The following RNASEH1 variants were observed in gnomAD, a reference collection of about 807,000 sequenced individuals.
RNASEH1 encodes the protein ribonuclease H type II.
Under a neutral mutation model 34.6 loss-of-function variants are expected in RNASEH1, and 27 were observed. That is an observed-to-expected ratio of 0.78 (90% confidence interval 0.58 to 1.08). The LOEUF is 1.08. Among genes scored for constraint, RNASEH1 ranks in the 50% least tolerant of loss-of-function variants. The pLI, the probability that RNASEH1 is intolerant of heterozygous loss-of-function variation, is 0.00. For missense variants in RNASEH1, 349 were observed against 373.6 expected (o/e 0.93, Z 0.54); for synonymous variants, 162 against 138.4 (o/e 1.17, Z -1.20).
chr2:3,539,016 T>C (rs1036753688), downstream of RNASEH1, among the ~76,000 whole-genome samples: 15 of 152,234 alleles, frequency 9.9e-5, no homozygotes, highest in African/African-American at 2.9e-4. Flanking sequence ...TGTAAACAAT[T>C]TGGCCAATCC....
At chr2:3,553,411 A>T (rs1382727983) in intron 2 of RNASEH1, among the ~76,000 whole-genome samples, 2 of 148,780 alleles carry the variant, frequency 1.3e-5, no homozygotes, top group Non-Finnish European at 3.0e-5. Context: ...TTTTTTTTTG[A>T]GACAGAGTCT....
At chr2:3,550,837 C>G (rs893197136) in intron 3 of RNASEH1, among the ~76,000 whole-genome samples, 2 of 152,196 alleles carry the variant, frequency 1.3e-5, no homozygotes, top group African/African-American at 4.8e-5. Context: ...CCTCCAGAGA[C>G]GAGCAGCGCC....
At position 3,549,213 on chromosome 2, in the gene RNASEH1, A is replaced by C. The variant is rs141460053; in HGVS notation, c.510-101T>G. 2,297 of 941,384 alleles carry C rather than the reference A, an allele frequency of 2.4e-3. 33 individuals are homozygous for C. In the African/African-American group the frequency reaches 0.03, roughly 12 times the overall value. 58.3% of individuals were successfully genotyped at this position (941,384 alleles called of 1,614,324 possible). On this transcript the variant is annotated intron_variant, in intron 4 of 7. Transcript: ENST00000315212. The stretch of plus-strand genomic sequence containing the variant: ...TAAACTAGTGTGTATTCTTATTTGA[A>C]ATATAAAAGCATCATATAAAAATCA...
chr2:3,538,572 C>A (rs1486668484), downstream of RNASEH1, among the ~76,000 whole-genome samples: 1 of 152,112 alleles, frequency 6.6e-6, no homozygotes, highest in African/African-American at 2.4e-5. Flanking sequence ...CCTTTTTCCA[C>A]TTAACAGTGC....
Position 3,544,631 on chromosome 2 carries a change from T to C in RNASEH1, c.*1154A>G, listed in dbSNP as rs1004948022. On this transcript the variant is annotated 3_prime_UTR_variant, in exon 8 of 8. Coordinates refer to ENST00000315212, the MANE Select transcript of RNASEH1 (RefSeq NM_002936.6). Reference sequence around the variant, plus strand: ...CCTGGGGTATCTGGCAAAGTACTATTTCTTCACCAGGTGGTGGACACAAAG... The same window carrying C: ...CCTGGGGTATCTGGCAAAGTACTATCTCTTCACCAGGTGGTGGACACAAAG... 6.6e-6 allele frequency among the ~76,000 whole-genome samples: 1 copy of C among 152,152 alleles called. No homozygotes were observed. Among genetic ancestry groups the C allele is most frequent in the African/African-American group, 2.4e-5 (1 of 41,422 alleles).
chr2:3,546,505 A>T (rs941639269), intron 7 of RNASEH1, among the ~76,000 whole-genome samples: 4 of 152,234 alleles, frequency 2.6e-5, no homozygotes, highest in African/African-American at 9.6e-5. Flanking sequence ...AACAAAATAC[A>T]CTGATAGTTT....
rs753159451 is a variant in RNASEH1, at chr2:3,548,034, C to T, written c.671G>A (p.Gly224Asp). 5 of 1,613,984 alleles carry T rather than the reference C, an allele frequency of 3.1e-6. No individual in the cohort carries two copies. The highest frequency in any genetic ancestry group is 3.3e-5 in the Admixed American group (2 of 60,012). Residue 224 changes from glycine (G) to aspartate (D), a missense_variant, in exon 7 of 8, where the codon GGT (glycine) becomes GAT (aspartate). Physicochemically the swap from Gly to Asp is moderately conservative, Grantham distance 94. Coordinates refer to ENST00000315212, the MANE Select transcript of RNASEH1 (RefSeq NM_002936.6). ...TGTCTTCCACCCATTTTTCTTCCAA[C>T]CTTGAACCCAGTTAGTTATACCTAC... ...TINGITNWVQGWKKNGWKTSA... is the reference protein window; with the variant it reads ...TINGITNWVQDWKKNGWKTSA...
At chr2:3,550,755 T>G (rs1659787127) in intron 3 of RNASEH1, among the ~76,000 whole-genome samples, 2 of 152,180 alleles carry the variant, frequency 1.3e-5, no homozygotes, top group African/African-American at 2.4e-5. Context: ...ACTGTTCACA[T>G]CCCACACTGT....
chr2:3,549,022 CAA>C (rs1426187495), intron 5 of RNASEH1, 34 bp downstream of exon 5: 2 of 1,546,622 alleles, frequency 1.3e-6, no homozygotes, highest in East Asian at 2.2e-5. Flanking sequence ...ACTCAATGCT[CAA>C]AAAAGAGAGG....
chr2:3,540,395 G>A (rs1457674967), downstream of RNASEH1, among the ~76,000 whole-genome samples: 1 of 151,922 alleles, frequency 6.6e-6, no homozygotes, highest in East Asian at 1.9e-4. Context: ...TGCACTTTCT[G>A]CTGTACTGAC....
chr2:3,539,162 C>T (rs73910584), downstream of RNASEH1, among the ~76,000 whole-genome samples: 4,934 of 152,036 alleles, frequency 0.032, 278 homozygotes, highest in African/African-American at 0.11. Flanking sequence ...TTTATTTATA[C>T]GTAGTCTTCT....
At position 3,552,264 on chromosome 2, in the gene RNASEH1, T is replaced by A; in HGVS notation, c.289A>T (p.Lys97Ter). 6.2e-7 allele frequency: 1 copy of A among 1,614,122 alleles called. No homozygotes were observed. The highest frequency in any genetic ancestry group is 8.5e-7 in the Non-Finnish European group (1 of 1,179,990). Residue 97 changes from lysine to a stop codon, truncating the protein, a stop_gained, in exon 3 of 8, where the codon AAG becomes TAG. Coordinates refer to ENST00000315212, the MANE Select transcript of RNASEH1 (RefSeq NM_002936.6). LOFTEE classifies it high-confidence loss of function. ...HGQESEAKAS[K>*]RLREPLDGDG... Reference sequence around the variant, plus strand: ...CCATCCAGTGGCTCACGGAGTCGCTTGCTGGCTTTCGCCTCCGATTCTTGT... The same window carrying A: ...CCATCCAGTGGCTCACGGAGTCGCTAGCTGGCTTTCGCCTCCGATTCTTGT...
intron 2 of RNASEH1, among the ~76,000 whole-genome samples, chr2:3,554,398 T>C (rs1179525494): frequency 1.3e-5 from 2 of 152,222 alleles, no homozygotes; most frequent in African/African-American, 2.4e-5. Context: ...GTCAGTTAAG[T>C]TTTACTTCAC....
chr2:3,553,963 T>C lies in RNASEH1; in HGVS notation c.245-1655A>G, dbSNP rs532887699. Among the ~76,000 whole-genome samples the C allele has an allele frequency of 5.5e-4, 84 of 152,290 alleles. No homozygotes were observed. The South Asian group carries it at 0.016, about 29-fold the overall frequency. On this transcript the variant is annotated intron_variant, in intron 2 of 7. Coordinates refer to ENST00000315212, the MANE Select transcript of RNASEH1 (RefSeq NM_002936.6). ...AAGGACACAGGAGCAACCAACTACC[T>C]GCAAACTAACAACCCTAACCCAACA...
intron 6 of RNASEH1, 151 bp downstream of exon 6, chr2:3,548,489 G>C: frequency 1.7e-6 from 1 of 600,870 alleles, no homozygotes; most frequent in Non-Finnish European, 3.0e-6. Context: ...CAGCAGAAGG[G>C]AGACTCCAAA....
chr2:3,535,909 CA>C, the RNASEH1 span, among the ~76,000 whole-genome samples: 1 of 152,152 alleles, frequency 6.6e-6, no homozygotes, highest in Non-Finnish European at 1.5e-5. Context: ...AAAATGGAAC[CA>C]AAAGCCTGTG....
Position 3,548,195 on chromosome 2 carries a change from T to A in RNASEH1, c.650-140A>T. The A allele has an allele frequency of 3.9e-6, 4 of 1,032,024 alleles. No individual in the cohort carries two copies. In the Admixed American group the frequency reaches 7.7e-5, roughly 20 times the overall value. 63.9% of individuals were successfully genotyped at this position (1,032,024 alleles called of 1,614,324 possible). A position where few individuals can be genotyped will look rare whatever the true frequency, so the allele number is the denominator to read the frequency against. ...TCTTCACTTCCTTAGCTGGCCTTAGTTGCTTTGGCCTTTGGCACAGCCTGA... is the reference window on the plus strand; with the variant it reads ...TCTTCACTTCCTTAGCTGGCCTTAGATGCTTTGGCCTTTGGCACAGCCTGA... On this transcript the variant is annotated intron_variant, in intron 6 of 7. Coordinates refer to ENST00000315212, the MANE Select transcript of RNASEH1 (RefSeq NM_002936.6).
the RNASEH1 span, among the ~76,000 whole-genome samples, chr2:3,535,370 T>C: frequency 1.4e-5 from 2 of 146,556 alleles, no homozygotes; most frequent in East Asian, 4.0e-4. Context: ...GAGGCTGCAG[T>C]GAGCTGTGAT....
At chr2:3,547,729 C>T (rs570714153) in intron 7 of RNASEH1, among the ~76,000 whole-genome samples, 105 of 152,246 alleles carry the variant, frequency 6.9e-4, no homozygotes, top group African/African-American at 2.5e-3. Flanking sequence ...CCTCGTGATC[C>T]ACCCACCTCA....
Sources: allele counts gnomAD v4.1 joint callset (sites outside exome capture counted in the v4.1 genomes callset), GRCh38; gene constraint gnomAD v4.1.1; transcripts MANE v1.5; gene names NCBI Gene and HGNC (gene_info 2026-07-23, HGNC 2026-07-21).